PTH2R: variants seen among roughly 807,000 people sequenced by gnomAD.
PTH2R encodes the protein parathyroid hormone 2 receptor.
In PTH2R, 59 loss-of-function variants were observed where a neutral mutation model predicts 60.3. The observed-to-expected ratio is 0.98, with a 90% CI of 0.79 to 1.22. PTH2R has a LOEUF of 1.22. Among genes scored for constraint, PTH2R ranks in the 50% most tolerant of loss-of-function variants. PTH2R has a pLI of 0.00. For synonymous variants in PTH2R, 256 were observed against 243.8 expected (o/e 1.05, Z -0.47); for missense variants, 749 against 682.6 (o/e 1.10, Z -1.08).
chr2:208,398,495 G>A (rs919609858), intron 1 of PTH2R, among the ~76,000 whole-genome samples: 1 of 152,200 alleles, frequency 6.6e-6, no homozygotes, highest in African/African-American at 2.4e-5. Context: ...AATTAGACAT[G>A]TGTCCTCAGA....
chr2:208,471,452 G>A (rs868556225), intron 9 of PTH2R, among the ~76,000 whole-genome samples: 1 of 152,252 alleles, frequency 6.6e-6, no homozygotes, highest in East Asian at 1.9e-4. Context: ...GGCTGAAAGG[G>A]GCCAATGTAG....
At chr2:208,452,693 C>A (rs542882062) in intron 8 of PTH2R, among the ~76,000 whole-genome samples, 3 of 152,066 alleles carry the variant, frequency 2.0e-5, no homozygotes, top group Admixed American at 2.0e-4. Flanking sequence ...GGTAATAATA[C>A]GTGATGTTGG....
chr2:208,382,324 C>T (rs78976767), intron 1 of PTH2R, among the ~76,000 whole-genome samples: 1,588 of 151,984 alleles, frequency 0.01, 38 homozygotes, highest in African/African-American at 0.037. Context: ...GGTAAATATA[C>T]GGGAGTGGAA....
chr2:208,408,316 G>A (rs1011597819), intron 1 of PTH2R, among the ~76,000 whole-genome samples: 2 of 152,144 alleles, frequency 1.3e-5, no homozygotes, highest in African/African-American at 4.8e-5. Flanking sequence ...GAATATGAAT[G>A]CATGGAAAAA....
chr2:208,492,512 G>A (rs1484407873), intron 12 of PTH2R, among the ~76,000 whole-genome samples: 1 of 152,124 alleles, frequency 6.6e-6, no homozygotes, highest in Non-Finnish European at 1.5e-5. Flanking sequence ...TAGGCCAGCT[G>A]TGCTAGCAAT....
chr2:208,493,390 C>A lies in PTH2R; in HGVS notation c.1384C>A (p.Gln462Lys), dbSNP rs761258383. ...CACCGTGACGCACAGCACCAGCAGC[C>A]AGTCACAGGTGGCGGCCAGCACACG... ...LTTVTHSTSS[Q>K]SQVAASTRMV... is the part of the protein sequence containing the mutation. The change falls in exon 13 of 13, where the codon CAG becomes AAG. Residue 462 changes from glutamine to lysine, a missense_variant. Coordinates refer to ENST00000272847, the MANE Select transcript of PTH2R (RefSeq NM_005048.4). 6 of 1,609,940 alleles carry A rather than the reference C, an allele frequency of 3.7e-6. No individual in the cohort carries two copies. The highest frequency in any genetic ancestry group is 5.1e-6 in the Non-Finnish European group (6 of 1,177,302).
chr2:208,408,604 T>C (rs1701468238), intron 1 of PTH2R, among the ~76,000 whole-genome samples: 1 of 151,838 alleles, frequency 6.6e-6, no homozygotes, highest in Admixed American at 6.6e-5. Flanking sequence ...GAGGATCTCT[T>C]GAGCCCAGGA....
At chr2:208,479,409 T>C (rs1703094233) in intron 9 of PTH2R, among the ~76,000 whole-genome samples, 1 of 152,222 alleles carries the variant, frequency 6.6e-6, no homozygotes, top group Admixed American at 6.5e-5. Flanking sequence ...TCTTCCAGCT[T>C]CAGCTCCTAG....
At chr2:208,409,470 A>G (rs1283733142) in intron 1 of PTH2R, among the ~76,000 whole-genome samples, 2 of 152,354 alleles carry the variant, frequency 1.3e-5, no homozygotes, top group East Asian at 3.9e-4. Context: ...GTATTTATGA[A>G]AAATGAGGCT....
chr2:208,478,973 T>C (rs1703083148), intron 9 of PTH2R, among the ~76,000 whole-genome samples: 1 of 152,192 alleles, frequency 6.6e-6, no homozygotes, highest in Non-Finnish European at 1.5e-5. Flanking sequence ...TAACCCATAG[T>C]CTATATTTTT....
At position 208,488,662 on chromosome 2, in the gene PTH2R, TAGAG is replaced by T. The variant is rs550555758; in HGVS notation, c.1077-348_1077-345del. ...GCAGAAGCAGTGGGATCCAAAGAGA[TAGAG>T]AAAGGTCAGCCCAAGCCTGGGCAAC... On this transcript the variant is annotated intron_variant, in intron 10 of 12. Coordinates refer to ENST00000272847, the MANE Select transcript of PTH2R (RefSeq NM_005048.4). Among the ~76,000 whole-genome samples the T allele has an allele frequency of 9.2e-5, 14 of 151,536 alleles. No homozygotes were observed. In the South Asian group the frequency reaches 1.3e-3, roughly 14 times the overall value.
At chr2:208,465,896 A>T (rs1218432725) in intron 9 of PTH2R, among the ~76,000 whole-genome samples, 4 of 137,956 alleles carry the variant, frequency 2.9e-5, no homozygotes, top group Non-Finnish European at 6.6e-5. Context: ...TTTTTTTTAA[A>T]AATCCAAATG....
At chr2:208,436,793 G>C (rs1256693889) in intron 2 of PTH2R, among the ~76,000 whole-genome samples, 12 of 152,110 alleles carry the variant, frequency 7.9e-5, no homozygotes, top group Admixed American at 7.2e-4. Context: ...ATCTCAGTAT[G>C]TTGCATTCCC....
intron 9 of PTH2R, among the ~76,000 whole-genome samples, chr2:208,478,045 CT>C (rs1391217961): frequency 1.3e-5 from 2 of 151,202 alleles, no homozygotes; most frequent in Non-Finnish European, 2.9e-5. Context: ...TTGTCTTATT[CT>C]CTTTTATTTC....
intron 1 of PTH2R, among the ~76,000 whole-genome samples, chr2:208,379,349 C>T (rs553225455): frequency 1.3e-5 from 2 of 152,164 alleles, no homozygotes; most frequent in African/African-American, 4.8e-5. Flanking sequence ...TCATAGTTCT[C>T]TAATGATTTA....
At chr2:208,448,583 G>A (rs1426514510) in intron 7 of PTH2R, among the ~76,000 whole-genome samples, 3 of 150,154 alleles carry the variant, frequency 2.0e-5, no homozygotes, top group East Asian at 3.9e-4. Flanking sequence ...GCAGTGAGCC[G>A]GGATCATGCC....
chr2:208,447,086 A>G (rs1455231637), intron 7 of PTH2R, among the ~76,000 whole-genome samples: 1 of 152,142 alleles, frequency 6.6e-6, no homozygotes, highest in Non-Finnish European at 1.5e-5. Context: ...GTGTGGAGTT[A>G]CACTTATATT....
At chr2:208,482,040 T>A (rs1385521044) in intron 10 of PTH2R, among the ~76,000 whole-genome samples, 1 of 152,196 alleles carries the variant, frequency 6.6e-6, no homozygotes, top group African/African-American at 2.4e-5. Flanking sequence ...CATCTAGTAA[T>A]CAGGTAGATG....
At chr2:208,376,998 T>C (rs1008332493) in intron 1 of PTH2R, among the ~76,000 whole-genome samples, 1 of 151,976 alleles carries the variant, frequency 6.6e-6, no homozygotes, top group Admixed American at 6.5e-5. Context: ...TCTCTGGTTT[T>C]CCTAGGCAGA....
Sources: gnomAD v4.1 joint callset for allele counts (sites outside exome capture counted in the v4.1 genomes callset) on GRCh38, gnomAD v4.1.1 for gene constraint, MANE v1.5 for transcripts, NCBI Gene and HGNC (gene_info 2026-07-23, HGNC 2026-07-21) for gene names.